DDX3X: variants seen among roughly 807,000 people sequenced by gnomAD.
The protein encoded by DDX3X is ATP-dependent RNA helicase DDX3X.
In DDX3X, 4 loss-of-function variants were observed where a neutral mutation model predicts 52.7. That is an observed-to-expected ratio of 0.08 (90% CI 0.04 to 0.17). The LOEUF (loss-of-function observed/expected upper bound fraction) is 0.17, where lower values mean the gene tolerates loss of function less well. DDX3X is among the 10% of genes least tolerant of loss of function. The pLI is 1.00. For synonymous variants in DDX3X, 192 were observed against 178.1 expected (o/e 1.08, Z -0.62); for missense variants, 222 against 548.6 (o/e 0.40, Z 5.95).
At chrX:41,362,083 CTTTTTTTTTTT>C (rs1176759189) in intron 5 of DDX3X, among the ~76,000 whole-genome samples, 63 of 72,735 alleles carry the variant, frequency 8.7e-4, no homozygotes, top group Non-Finnish European at 1.4e-3. Flanking sequence ...AAATAATTAA[CTTTTTTTTTTT>C]TTTTTTTTTT....
At position 41,334,259 on chromosome X, in the gene DDX3X, C is replaced by A; in HGVS notation, c.7C>A (p.His3Asn). MS[H>N]VAVENALGLD... ...TTCTCGGTACTCTTCAGGGATGAGT[C>A]ATGTGGCAGTGGAAAATGCGCTCGG... Residue 3 changes from histidine (H) to asparagine (N), a missense_variant, in exon 1 of 17, where the codon CAT becomes AAT. Transcript: ENST00000644876. 8.3e-7 allele frequency: 1 copy of A among 1,211,169 alleles called. No homozygotes were observed. Among genetic ancestry groups the A allele is most frequent in the East Asian group, 3.0e-5 (1 of 33,828 alleles).
At chrX:41,356,404 C>T (rs1385677944) in intron 5 of DDX3X, among the ~76,000 whole-genome samples, 1 of 108,874 alleles carries the variant, frequency 9.2e-6, no homozygotes, top group African/African-American at 3.3e-5. Context: ...GCCTTGGCCT[C>T]CCAAAGTGCT....
At chrX:41,350,969 C>T (rs1178642396), downstream of DDX3X, 2 of 111,902 alleles carry the variant, frequency 1.8e-5, no homozygotes, top group Non-Finnish European at 3.8e-5. Context: ...AAGTATGGTT[C>T]TGGATAATCT....
rs2063965154 is a variant in DDX3X at position 41,349,560 on chromosome X, A to AT, written c.*1843dup. On this transcript the variant is annotated 3_prime_UTR_variant, in exon 17 of 17. Coordinates refer to ENST00000644876, the MANE Select transcript of DDX3X (RefSeq NM_001356.5). ...ATTTATTTTTGTAAGCCTAAAAGTG[A>AT]TTCTTTGAAAGTTTAAAGAAACTTG... The AT allele has an allele frequency of 8.9e-6, 1 of 112,514 alleles. No homozygotes were observed. The highest frequency in any genetic ancestry group is 3.2e-5 in the African/African-American group (1 of 30,881). The allele number at this position is 112,514 out of a possible 1,213,427, so 9.3% of individuals were successfully genotyped here. A position where few individuals can be genotyped will look rare whatever the true frequency, so the allele number is the denominator to read the frequency against.
chrX:41,341,728 TC>T, intron 4 of DDX3X, 112 bp downstream of exon 4: 1 of 782,552 alleles, frequency 1.3e-6, no homozygotes, highest in African/African-American at 2.1e-5. Context: ...CATTGTATTT[TC>T]TTAGCCGTAA....
rs2063719526 is a variant in DDX3X at position 41,334,193 on chromosome X, G to C, written c.-60G>C. On this transcript the variant is annotated 5_prime_UTR_variant, in exon 1 of 17. Coordinates refer to ENST00000644876, the MANE Select transcript of DDX3X (RefSeq NM_001356.5). Reference sequence around the variant, plus strand: ...GCAGTTCTCCCGTGAGAGGGCCTTCGCGGTGGAACAAACACTCGCTTAGCA... The same window carrying C: ...GCAGTTCTCCCGTGAGAGGGCCTTCCCGGTGGAACAAACACTCGCTTAGCA... 1 of 1,136,413 alleles carries C rather than the reference G, an allele frequency of 8.8e-7. No homozygotes were observed. The highest frequency in any genetic ancestry group is 1.8e-5 in the African/African-American group (1 of 56,117). 93.7% of individuals were successfully genotyped at this position (1,136,413 alleles called of 1,213,427 possible). A position where few individuals can be genotyped will look rare whatever the true frequency, so the allele number is the denominator to read the frequency against.
intron 1 of DDX3X, among the ~76,000 whole-genome samples, chrX:41,337,206 A>G (rs930626674): frequency 1.8e-5 from 2 of 112,555 alleles, no homozygotes; most frequent in Non-Finnish European, 3.7e-5. Context: ...AGTATATACA[A>G]TAGTAATATT....
rs766959818 is a variant in DDX3X at position 41,345,387 on chromosome X, A to C, written c.1171-17A>C. On this transcript the variant is annotated splice_polypyrimidine_tract_variant and intron_variant, in intron 11 of 16. Transcript: ENST00000644876. Reference sequence around the variant, plus strand: ...TTTGTTTATCTCAGGTAATAATAAAAATTTTTTTTCTTTCAGATGCTGGCT... The same window carrying C: ...TTTGTTTATCTCAGGTAATAATAAACATTTTTTTTCTTTCAGATGCTGGCT... 1.3e-5 allele frequency: 16 copies of C among 1,194,886 alleles called. No homozygotes were observed. The African/African-American group carries it at 2.3e-4, about 17-fold the overall frequency.
chrX:41,347,586 ATTTAATGATGGATAAC>A (rs2063943781), intron 16 of DDX3X, 38 bp from the exon 17 acceptor site: 12 of 1,130,849 alleles, frequency 1.1e-5, no homozygotes, highest in Non-Finnish European at 1.4e-5. Flanking sequence ...GAAGGATTGT[ATTTAATGATGGATAAC>A]TTCATTAATT....
Position 41,347,768 on chromosome X carries a change from A to G in DDX3X, c.*49A>G. ...TGCCAAACAAGCTAATATGGAAACC[A>G]CATGTAACTTAGCCAGACTATACCT... On this transcript the variant is annotated 3_prime_UTR_variant, in exon 17 of 17. Coordinates refer to ENST00000644876, the MANE Select transcript of DDX3X (RefSeq NM_001356.5). The G allele has an allele frequency of 1.2e-6, 1 of 857,106 alleles. No homozygotes were observed. Among genetic ancestry groups the G allele is most frequent in the African/African-American group, 2.0e-5 (1 of 49,522 alleles). The allele number at this position is 857,106 out of a possible 1,213,427, so 70.6% of individuals were successfully genotyped here. A position where few individuals can be genotyped will look rare whatever the true frequency, so the allele number is the denominator to read the frequency against.
rs2063875343 is a variant in DDX3X, at chrX:41,343,255, A to G, written c.583A>G (p.Ile195Val). 8.3e-7 allele frequency: 1 copy of G among 1,207,177 alleles called. No homozygotes were observed. Among genetic ancestry groups the G allele is most frequent in the Non-Finnish European group, 1.1e-6 (1 of 893,759 alleles). Residue 195 changes from isoleucine to valine, a missense_variant, in exon 7 of 17, where the codon ATT becomes GTT. Transcript: ENST00000644876. The part of the protein sequence containing the change: ...VEMGEIIMGN[I>V]ELTRYTRPTP... Reference sequence around the variant, plus strand: ...GATGGGAGAAATTATCATGGGAAACATTGAGCTTACTCGTTATACTCGCCC... The same window carrying G: ...GATGGGAGAAATTATCATGGGAAACGTTGAGCTTACTCGTTATACTCGCCC...
In DDX3X at chrX:41,349,329, T is replaced by G. The variant is rs1169323377; in HGVS notation, c.*1610T>G. 4.5e-5 allele frequency: 5 copies of G among 111,978 alleles called. No homozygotes were observed. Among genetic ancestry groups the G allele is most frequent in the African/African-American group, 1.6e-4 (5 of 30,685 alleles). 9.2% of individuals were successfully genotyped at this position (111,978 alleles called of 1,213,427 possible). On this transcript the variant is annotated 3_prime_UTR_variant, in exon 17 of 17. Coordinates refer to ENST00000644876, the MANE Select transcript of DDX3X (RefSeq NM_001356.5). ...CAGAGAATTTTATATATATGTCTTG[T>G]GTGCGTGTCCTTAAACTTCCAATCT...
intron 11 of DDX3X, 21 bp downstream of exon 11, chrX:41,345,345 TTTTA>T: frequency 1.7e-6 from 2 of 1,202,755 alleles, no homozygotes; most frequent in Middle Eastern, 2.3e-4. Flanking sequence ...ATGTTGCAAA[TTTTA>T]TTTATTTAGA....
intron 5 of DDX3X, among the ~76,000 whole-genome samples, chrX:41,361,217 T>G: frequency 9.1e-6 from 1 of 109,519 alleles, no homozygotes; most frequent in Non-Finnish European, 1.9e-5. Flanking sequence ...AAGTGGCTCC[T>G]ATAAGTCACA....
intron 5 of DDX3X, among the ~76,000 whole-genome samples, chrX:41,363,242 T>C (rs1241166758): frequency 2.7e-5 from 3 of 109,399 alleles, no homozygotes; most frequent in African/African-American, 1.0e-4. Flanking sequence ...CTGGCCAGCA[T>C]GGTGAAACCT....
chrX:41,343,196 C>T lies in DDX3X; in HGVS notation c.544-20C>T. On this transcript the variant is annotated intron_variant, in intron 6 of 16. Transcript: ENST00000644876. ...AATAGCTCTAGATAGCATTCCTAAC[C>T]CCATTGAATTTCTTAACAGTTCAGT... 8.3e-7 allele frequency: 1 copy of T among 1,200,789 alleles called. No individual in the cohort carries two copies. The highest frequency in any genetic ancestry group is 1.1e-6 in the Non-Finnish European group (1 of 891,308).
rs992871072 is a variant in DDX3X, at chrX:41,347,941, G to T, written c.*222G>T. The stretch of plus-strand genomic sequence containing the variant: ...GTGGTTTGAAGACTTCATTGCTGTA[G>T]TTTGGATTAACTCCCCTCCCGCCTA... On this transcript the variant is annotated 3_prime_UTR_variant, in exon 17 of 17. Coordinates refer to ENST00000644876, the MANE Select transcript of DDX3X (RefSeq NM_001356.5). 3 of 368,448 alleles carry T rather than the reference G, an allele frequency of 8.1e-6. No homozygotes were observed. The highest frequency in any genetic ancestry group is 1.4e-5 in the Non-Finnish European group (3 of 215,910). 30.4% of individuals were successfully genotyped at this position (368,448 alleles called of 1,213,427 possible). A position where few individuals can be genotyped will look rare whatever the true frequency, so the allele number is the denominator to read the frequency against.
Position 41,334,905 on chromosome X carries a change from A to C in DDX3X, c.45+608A>C, listed in dbSNP as rs190307586. ...GGGTCTCGGGCGGGCGAAGGCCTGG[A>C]AAGGAGGATGGAATGGGTTTCTTGT... On this transcript the variant is annotated intron_variant, in intron 1 of 16. Coordinates refer to ENST00000644876, the MANE Select transcript of DDX3X (RefSeq NM_001356.5). 2.0e-3 allele frequency: 710 copies of C among 350,135 alleles called. 5 individuals carry two copies. Among genetic ancestry groups the C allele is most frequent in the African/African-American group, 0.018 (649 of 35,323 alleles). 28.9% of individuals were successfully genotyped at this position (350,135 alleles called of 1,213,427 possible).
chrX:41,364,196 G>T (rs1445784231), intron 5 of DDX3X: 1 of 293,514 alleles, frequency 3.4e-6, no homozygotes, highest in Non-Finnish European at 5.9e-6. Flanking sequence ...GTATTAGGTG[G>T]AAGTCCATGG....
Sources: allele counts gnomAD v4.1 joint callset (sites outside exome capture counted in the v4.1 genomes callset), GRCh38; gene constraint gnomAD v4.1.1; transcripts MANE v1.5; gene names NCBI Gene and HGNC (gene_info 2026-07-23, HGNC 2026-07-21).